The following DSCAM variants were observed in gnomAD, a reference collection of about 807,000 sequenced individuals.
DSCAM encodes the protein DS cell adhesion molecule, also known as cell adhesion molecule DSCAM.
DSCAM carries 47 observed loss-of-function variants against 217.7 expected under a neutral mutation model. The ratio of observed to expected loss-of-function variants is 0.22; its 90% CI spans 0.17 to 0.28. DSCAM has a LOEUF of 0.28. Ranked by LOEUF, DSCAM falls within the 10% of genes least tolerant of loss-of-function variation. The pLI, the probability that DSCAM is intolerant of heterozygous loss-of-function variation, is 1.00. For synonymous variants in DSCAM, 1,056 were observed against 1,015.3 expected (o/e 1.04, Z -0.76); for missense variants, 2,080 against 2,618.3 (o/e 0.79, Z 4.49).
chr21:40,738,316 C>A (rs561658481), intron 1 of DSCAM, among the ~76,000 whole-genome samples: 14 of 152,320 alleles, frequency 9.2e-5, no homozygotes, highest in African/African-American at 3.1e-4. Flanking sequence ...TTTCCTAAAG[C>A]AAACAGTGGG....
chr21:40,324,484 A>T (rs1208077024), intron 8 of DSCAM, among the ~76,000 whole-genome samples: 3 of 152,226 alleles, frequency 2.0e-5, no homozygotes, highest in Admixed American at 2.0e-4. Flanking sequence ...TGTGGTGGAA[A>T]GAACTGGATA....
intron 14 of DSCAM, among the ~76,000 whole-genome samples, chr21:40,186,656 T>C (rs1444436738): frequency 6.6e-6 from 1 of 152,070 alleles, no homozygotes; most frequent in Admixed American, 6.5e-5. Flanking sequence ...CCAGAGTGAA[T>C]TTTCCTTTTT....
In DSCAM at chr21:40,078,922, C is replaced by T. The variant is rs2089411565; in HGVS notation, c.4476G>A (p.Val1492=). The T allele has an allele frequency of 1.2e-6, 2 of 1,614,218 alleles. No homozygotes were observed. Among genetic ancestry groups the T allele is most frequent in the Non-Finnish European group, 1.7e-6 (2 of 1,180,040 alleles). Residue 1492 remains valine (V), a synonymous_variant, in exon 26 of 33, where the codon GTG becomes GTA. Coordinates refer to ENST00000400454, the MANE Select transcript of DSCAM (RefSeq NM_001389.5). ...CATTCCAGCCAATGAGGTTCAGCCT[C>T]ACGCGTGTGGTGTTGATGCTGGCAA... The part of the protein sequence containing the change: ...ELFASINTTR[V]RLNLIGWNDG...
At chr21:40,249,028 T>C (rs1173972767) in intron 11 of DSCAM, among the ~76,000 whole-genome samples, 3 of 152,190 alleles carry the variant, frequency 2.0e-5, no homozygotes, top group East Asian at 1.9e-4. Flanking sequence ...CTGACCCCCA[T>C]GATTCAATTA....
At chr21:40,597,595 C>T (rs1025567128) in intron 3 of DSCAM, among the ~76,000 whole-genome samples, 6 of 148,896 alleles carry the variant, frequency 4.0e-5, no homozygotes, top group African/African-American at 1.2e-4. Flanking sequence ...CAGCCTCCAC[C>T]TCCTGGGTTC....
intron 3 of DSCAM, among the ~76,000 whole-genome samples, chr21:40,401,218 G>A (rs2075230353): frequency 1.3e-5 from 2 of 152,144 alleles, no homozygotes; most frequent in Admixed American, 1.3e-4. Flanking sequence ...ATTAAGAAAA[G>A]GATTATTTCA....
chr21:40,596,891 T>C (rs1371377323), intron 3 of DSCAM, among the ~76,000 whole-genome samples: 1 of 152,168 alleles, frequency 6.6e-6, no homozygotes, highest in Non-Finnish European at 1.5e-5. Context: ...TATGCTCATG[T>C]TCCTCAGTAT....
At chr21:40,732,728 T>C (rs1307861363) in intron 1 of DSCAM, among the ~76,000 whole-genome samples, 1 of 152,206 alleles carries the variant, frequency 6.6e-6, no homozygotes, top group Non-Finnish European at 1.5e-5. Flanking sequence ...GACAAATGCA[T>C]ACAAATGATG....
At chr21:40,624,142 A>G (rs1433949764) in intron 3 of DSCAM, among the ~76,000 whole-genome samples, 1 of 152,164 alleles carries the variant, frequency 6.6e-6, no homozygotes, top group Admixed American at 6.5e-5. Context: ...TGTTGTATCA[A>G]TCAGATTTTT....
chr21:40,809,090 G>C (rs1000396423), intron 1 of DSCAM, among the ~76,000 whole-genome samples: 1 of 151,896 alleles, frequency 6.6e-6, no homozygotes, highest in Non-Finnish European at 1.5e-5. Context: ...GCAGGACAGG[G>C]GTCTCATCCA....
chr21:40,238,101 G>A (rs2073102821), intron 11 of DSCAM, among the ~76,000 whole-genome samples: 1 of 152,140 alleles, frequency 6.6e-6, no homozygotes, highest in South Asian at 2.1e-4. Context: ...AGGAAATGAA[G>A]GAAAGATGGC....
intron 1 of DSCAM, among the ~76,000 whole-genome samples, chr21:40,794,520 A>G (rs1172628479): frequency 1.3e-5 from 2 of 148,594 alleles, no homozygotes; most frequent in African/African-American, 4.9e-5. Flanking sequence ...TGAGTAAAGC[A>G]CGCCTGTTCT....
chr21:40,441,557 C>T (rs11702220), intron 3 of DSCAM, among the ~76,000 whole-genome samples: 33,876 of 152,146 alleles, frequency 0.22, 3,773 homozygotes, highest in South Asian at 0.27. Flanking sequence ...ACCATTCACC[C>T]TTCAAATTGG....
At chr21:40,512,259 A>G (rs963224084) in intron 3 of DSCAM, among the ~76,000 whole-genome samples, 1 of 151,918 alleles carries the variant, frequency 6.6e-6, no homozygotes, top group Non-Finnish European at 1.5e-5. Context: ...AACTGAGTCT[A>G]TTTTCTTTCA....
intron 4 of DSCAM, among the ~76,000 whole-genome samples, chr21:40,360,130 T>TG (rs1223512612): frequency 2.3e-5 from 3 of 133,298 alleles, no homozygotes; most frequent in Non-Finnish European, 4.8e-5. Flanking sequence ...AGTCTTTTTT[T>TG]TTTTTTTTTT....
intron 11 of DSCAM, among the ~76,000 whole-genome samples, chr21:40,205,814 T>C (rs947370566): frequency 2.0e-5 from 3 of 152,156 alleles, no homozygotes; most frequent in Non-Finnish European, 4.4e-5. Flanking sequence ...TATTTAAGCA[T>C]GTTTCAAAAA....
intron 1 of DSCAM, among the ~76,000 whole-genome samples, chr21:40,769,596 T>A (rs1362812532): frequency 6.6e-6 from 1 of 152,054 alleles, no homozygotes; most frequent in South Asian, 2.1e-4. Context: ...CTGCCAAGAG[T>A]CTTGTGCTTA....
At chr21:40,167,832 C>T (rs910768909) in intron 15 of DSCAM, among the ~76,000 whole-genome samples, 5 of 152,020 alleles carry the variant, frequency 3.3e-5, no homozygotes, top group Admixed American at 6.6e-5. Flanking sequence ...TCTGGGAGGC[C>T]GACGCGGGCA....
At chr21:40,248,394 T>C (rs2073256527) in intron 11 of DSCAM, among the ~76,000 whole-genome samples, 1 of 152,234 alleles carries the variant, frequency 6.6e-6, no homozygotes, top group Non-Finnish European at 1.5e-5. Context: ...TTTTGAATGC[T>C]TTGCTGCTTA....
Sources: gnomAD v4.1 joint callset for allele counts (sites outside exome capture counted in the v4.1 genomes callset) on GRCh38, gnomAD v4.1.1 for gene constraint, MANE v1.5 for transcripts, NCBI Gene and HGNC (gene_info 2026-07-23, HGNC 2026-07-21) for gene names.